Variants in GLP2R observed in about 807,000 individuals in gnomAD.
GLP2R encodes the protein glucagon like peptide 2 receptor.
GLP2R carries 59 observed loss-of-function variants against 68.2 expected under a neutral mutation model. The observed-to-expected ratio is 0.87, with a 90% confidence interval of 0.70 to 1.07. GLP2R has a LOEUF of 1.07. Among genes scored for constraint, GLP2R ranks in the 50% least tolerant of loss-of-function variants. The pLI is 0.00. For synonymous variants in GLP2R, 270 were observed against 265.4 expected, an observed-to-expected ratio of 1.02 and a Z score of -0.17; for missense variants, 548 against 677.4, an observed-to-expected ratio of 0.81 and a Z score of 2.12.
intron 4 of GLP2R, among the ~76,000 whole-genome samples, chr17:9,842,985 G>A (rs1308758474): frequency 6.6e-6 from 1 of 152,164 alleles, no homozygotes. Context: ...ACCTAATCCA[G>A]AGAGTGCCCT....
chr17:9,831,691 G>A (rs541459965), intron 1 of GLP2R, among the ~76,000 whole-genome samples: 3 of 152,296 alleles, frequency 2.0e-5, no homozygotes, highest in African/African-American at 4.8e-5. Context: ...GAGACCACAG[G>A]CCTTAAGTGG....
rs1401783347 is a variant in GLP2R at position 9,878,261 on chromosome 17, A to G, written c.1146-2117A>G. Among the ~76,000 whole-genome samples the G allele has an allele frequency of 2.0e-5, 3 of 152,246 alleles. No individual in the cohort carries two copies. The East Asian group carries it at 5.8e-4, about 29-fold the overall frequency. The stretch of plus-strand genomic sequence containing the variant: ...AAGAATTTGAGCCCAGTGTTGCCAG[A>G]TCTCCTCATTTTTCAAAAGAAGCCA... On this transcript the variant is annotated intron_variant, in intron 10 of 12. Coordinates refer to ENST00000262441, the MANE Select transcript of GLP2R (RefSeq NM_004246.3).
chr17:9,888,471 A>AT (rs1332652455), intron 12 of GLP2R, among the ~76,000 whole-genome samples: 1 of 152,016 alleles, frequency 6.6e-6, no homozygotes, highest in African/African-American at 2.4e-5. Flanking sequence ...TTTAAAAATT[A>AT]TTTTTATTTT....
chr17:9,886,959 G>T (rs2067248722), intron 11 of GLP2R, among the ~76,000 whole-genome samples: 1 of 152,180 alleles, frequency 6.6e-6, no homozygotes, highest in South Asian at 2.1e-4. Flanking sequence ...CAGACACACT[G>T]CCCAAATTCC....
intron 10 of GLP2R, among the ~76,000 whole-genome samples, chr17:9,873,462 A>G (rs2152045086): frequency 6.6e-6 from 1 of 151,674 alleles, no homozygotes; most frequent in Admixed American, 6.6e-5. Flanking sequence ...TAAATGCGGG[A>G]TAGAACCTCA....
In GLP2R at chr17:9,861,140, C is replaced by T; in HGVS notation, c.927C>T (p.Ala309=). 2 of 1,613,416 alleles carry T rather than the reference C, an allele frequency of 1.2e-6. No individual in the cohort carries two copies. Among genetic ancestry groups the T allele is most frequent in the Non-Finnish European group, 1.7e-6 (2 of 1,179,476 alleles). ...CATTTCCCTGTGTTTTCTCCCCAGC[C>T]TTCCCTGTGCTATTTGTTGTACCCT... ...LWPRYLLLGW[A]FPVLFVVPWG... is the part of the protein sequence containing the mutation. Residue 309 remains alanine (A), a splice_region_variant and synonymous_variant, in exon 8 of 13, where the codon GCC becomes GCT. Coordinates refer to ENST00000262441, the MANE Select transcript of GLP2R (RefSeq NM_004246.3).
chr17:9,875,002 T>A (rs984831493), intron 10 of GLP2R, among the ~76,000 whole-genome samples: 1 of 152,236 alleles, frequency 6.6e-6, no homozygotes, highest in African/African-American at 2.4e-5. Flanking sequence ...CCTGCCATTT[T>A]CATTGGCCAC....
At chr17:9,837,439 C>A (rs1342211268) in intron 3 of GLP2R, among the ~76,000 whole-genome samples, 1 of 151,520 alleles carries the variant, frequency 6.6e-6, no homozygotes, top group Non-Finnish European at 1.5e-5. Flanking sequence ...TGGCCACTGT[C>A]ATGGAGAGGA....
At position 9,826,177 on chromosome 17, in the gene GLP2R, C is replaced by T; in HGVS notation, c.114C>T (p.Ser38=). 1 of 1,613,428 alleles carries T rather than the reference C, an allele frequency of 6.2e-7. No homozygotes were observed. Among genetic ancestry groups the T allele is most frequent in the Non-Finnish European group, 8.5e-7 (1 of 1,179,748 alleles). ...CCCCCTGGGGGACCAGTCCTCTCTC[C>T]TTCCACAGGAAGTGCTCTCTCTGGG... ...IPAPWGTSPL[S]FHRKCSLWAP... The change falls in exon 1 of 13, where the codon TCC becomes TCT. Residue 38 remains serine (S), a synonymous_variant. Coordinates refer to ENST00000262441, the MANE Select transcript of GLP2R (RefSeq NM_004246.3).
intron 3 of GLP2R, 150 bp from the exon 4 acceptor site, chr17:9,842,345 C>A: frequency 1.1e-6 from 1 of 883,084 alleles, no homozygotes; most frequent in African/African-American, 1.7e-5. Context: ...GTTTTCCTTT[C>A]CATCCCAAAT....
At chr17:9,872,664 T>C (rs183667735) in intron 10 of GLP2R, among the ~76,000 whole-genome samples, 107 of 152,346 alleles carry the variant, frequency 7.0e-4, no homozygotes, top group Non-Finnish European at 1.1e-3. Flanking sequence ...ACTAGGATGT[T>C]GGCATGGAGC....
intron 3 of GLP2R, among the ~76,000 whole-genome samples, chr17:9,839,872 C>T (rs2066769124): frequency 6.6e-6 from 1 of 152,160 alleles, no homozygotes; most frequent in South Asian, 2.1e-4. Flanking sequence ...CCATGCTCCT[C>T]TGCCTATAAA....
intron 3 of GLP2R, among the ~76,000 whole-genome samples, chr17:9,838,678 G>A (rs2066756434): frequency 6.6e-6 from 1 of 152,218 alleles, no homozygotes; most frequent in Non-Finnish European, 1.5e-5. Flanking sequence ...AAGGGAGTGT[G>A]ATTTGCAAGA....
chr17:9,839,303 T>C (rs1469800095), intron 3 of GLP2R, among the ~76,000 whole-genome samples: 3 of 152,098 alleles, frequency 2.0e-5, no homozygotes, highest in African/African-American at 4.8e-5. Context: ...ATTAAAGTGT[T>C]GGAGGCAGAA....
At chr17:9,852,397 G>A (rs1007256799) in intron 4 of GLP2R, among the ~76,000 whole-genome samples, 1 of 152,170 alleles carries the variant, frequency 6.6e-6, no homozygotes, top group African/African-American at 2.4e-5. Flanking sequence ...CAAAGGACAT[G>A]AACTCATTCT....
intron 1 of GLP2R, among the ~76,000 whole-genome samples, chr17:9,826,768 C>T (rs2066635974): frequency 6.6e-6 from 1 of 152,152 alleles, no homozygotes. Flanking sequence ...ATGCAAACTA[C>T]AAATCACTCT....
chr17:9,879,294 A>G (rs1453957881), intron 10 of GLP2R, among the ~76,000 whole-genome samples: 1 of 24,560 alleles, frequency 4.1e-5, no homozygotes, highest in Non-Finnish European at 1.1e-4. Context: ...AATAAAATAA[A>G]TAAAATAAAA....
intron 1 of GLP2R, among the ~76,000 whole-genome samples, chr17:9,832,586 C>T (rs952296658): frequency 6.6e-6 from 1 of 151,868 alleles, no homozygotes; most frequent in Non-Finnish European, 1.5e-5. Context: ...AAAAACTTAG[C>T]CGAGCATGGG....
chr17:9,843,038 C>T (rs570027414), intron 4 of GLP2R, among the ~76,000 whole-genome samples: 2 of 151,698 alleles, frequency 1.3e-5, no homozygotes, highest in South Asian at 4.2e-4. Context: ...CACCACCCCC[C>T]ACTTCGACTC....
Sources: allele counts gnomAD v4.1 joint callset (sites outside exome capture counted in the v4.1 genomes callset), GRCh38; gene constraint gnomAD v4.1.1; transcripts MANE v1.5; gene names NCBI Gene and HGNC (gene_info 2026-07-23, HGNC 2026-07-21).